Variants in ASTN2 observed in about 807,000 individuals in gnomAD.
The protein encoded by ASTN2 is astrotactin 2, also known as astrotactin-2.
ASTN2 carries 54 observed loss-of-function variants against 139.8 expected under a neutral mutation model. That is an observed-to-expected ratio of 0.39 (90% CI 0.31 to 0.48). The LOEUF is 0.48. Ranked by LOEUF, ASTN2 falls within the 20% of genes least tolerant of loss-of-function variation. ASTN2 has a pLI of 0.95. For synonymous variants in ASTN2, 756 were observed against 719.5 expected (o/e 1.05, Z -0.81); for missense variants, 1,565 against 1,725.1 (o/e 0.91, Z 1.64).
chr9:117,223,967 C>T (rs772317006), intron 2 of ASTN2, among the ~76,000 whole-genome samples: 2 of 152,112 alleles, frequency 1.3e-5, no homozygotes, highest in Non-Finnish European at 2.9e-5. Context: ...AGTAAAAACA[C>T]ATTGGTTCTT....
chr9:116,799,739 A>T (rs1355809390), intron 13 of ASTN2, among the ~76,000 whole-genome samples: 2 of 151,978 alleles, frequency 1.3e-5, no homozygotes, highest in Admixed American at 1.3e-4. Flanking sequence ...AAACAAATAA[A>T]CATCAAATAC....
intron 1 of ASTN2, among the ~76,000 whole-genome samples, chr9:117,397,590 T>A (rs1006881733): frequency 6.6e-6 from 1 of 152,222 alleles, no homozygotes; most frequent in African/African-American, 2.4e-5. Flanking sequence ...TGATCCAGCC[T>A]CCAAGAGGCA....
intron 11 of ASTN2, among the ~76,000 whole-genome samples, chr9:116,838,057 T>G (rs1268332622): frequency 6.6e-6 from 1 of 151,758 alleles, no homozygotes; most frequent in Non-Finnish European, 1.5e-5. Flanking sequence ...TAAATGCATG[T>G]GAATGGCTCT....
At chr9:116,885,660 C>T (rs375678108) in intron 10 of ASTN2, among the ~76,000 whole-genome samples, 7 of 152,030 alleles carry the variant, frequency 4.6e-5, no homozygotes, top group African/African-American at 1.7e-4. Flanking sequence ...AGCAAAACTC[C>T]ATCTCAAACA....
intron 6 of ASTN2, among the ~76,000 whole-genome samples, chr9:117,031,922 C>T (rs539361026): frequency 3.9e-5 from 6 of 152,218 alleles, no homozygotes; most frequent in East Asian, 1.9e-4. Context: ...AAGTATGACA[C>T]GTATGTAATA....
intron 17 of ASTN2, among the ~76,000 whole-genome samples, chr9:116,646,584 C>T (rs1857599723): frequency 6.6e-6 from 1 of 152,102 alleles, no homozygotes; most frequent in South Asian, 2.1e-4. Flanking sequence ...TGGGTCTATC[C>T]CACTCATTCC....
chr9:116,521,855 A>C (rs1299531398), intron 19 of ASTN2, among the ~76,000 whole-genome samples: 1 of 152,160 alleles, frequency 6.6e-6, no homozygotes, highest in Non-Finnish European at 1.5e-5. Flanking sequence ...CAGGTTAAGG[A>C]CATGAGTAGA....
intron 19 of ASTN2, among the ~76,000 whole-genome samples, chr9:116,600,115 G>A (rs909766267): frequency 2.6e-5 from 4 of 151,980 alleles, no homozygotes; most frequent in African/African-American, 9.7e-5. Context: ...TTGAGTCCAG[G>A]AGTTTGGGAC....
intron 19 of ASTN2, among the ~76,000 whole-genome samples, chr9:116,518,389 T>C (rs1239815811): frequency 1.3e-5 from 2 of 152,170 alleles, no homozygotes; most frequent in African/African-American, 2.4e-5. Flanking sequence ...CAGCCAGGAA[T>C]TGTGTATCCA....
intron 19 of ASTN2, among the ~76,000 whole-genome samples, chr9:116,498,377 G>C (rs1849737413): frequency 6.6e-6 from 1 of 152,024 alleles, no homozygotes; most frequent in Non-Finnish European, 1.5e-5. Flanking sequence ...TTGAGGCCAG[G>C]AGGTCAAGAT....
At chr9:117,336,325 T>A (rs1430780201) in intron 1 of ASTN2, among the ~76,000 whole-genome samples, 1 of 152,144 alleles carries the variant, frequency 6.6e-6, no homozygotes, top group Non-Finnish European at 1.5e-5. Context: ...TGGGATTAAT[T>A]TGCTCTTTGT....
At chr9:117,053,954 A>G (rs566243729) in intron 5 of ASTN2, among the ~76,000 whole-genome samples, 3 of 152,134 alleles carry the variant, frequency 2.0e-5, no homozygotes, top group South Asian at 4.1e-4. Flanking sequence ...AAAACCATGT[A>G]TGCATTGTGT....
chr9:117,397,772 G>C (rs1830714820), intron 1 of ASTN2, among the ~76,000 whole-genome samples: 1 of 152,118 alleles, frequency 6.6e-6, no homozygotes, highest in African/African-American at 2.4e-5. Flanking sequence ...AGGATTTCTA[G>C]GGCAAGGAAT....
chr9:116,783,085 G>A (rs1278222289), intron 13 of ASTN2, among the ~76,000 whole-genome samples: 1 of 152,216 alleles, frequency 6.6e-6, no homozygotes, highest in South Asian at 2.1e-4. Context: ...GTAAAACTAG[G>A]ATATATGAGC....
At chr9:116,762,479 T>C (rs1829698669) in intron 13 of ASTN2, among the ~76,000 whole-genome samples, 1 of 152,218 alleles carries the variant, frequency 6.6e-6, no homozygotes, top group Non-Finnish European at 1.5e-5. Flanking sequence ...ATTGAGTACC[T>C]GTCATGATCC....
chr9:117,002,142 G>A (rs921442710), intron 7 of ASTN2, among the ~76,000 whole-genome samples: 10 of 152,266 alleles, frequency 6.6e-5, no homozygotes, highest in East Asian at 1.9e-4. Context: ...TGGGCATTGC[G>A]GTGGAAAGAA....
chr9:116,739,502 C>T (rs1829040872), intron 13 of ASTN2, among the ~76,000 whole-genome samples: 1 of 121,370 alleles, frequency 8.2e-6, no homozygotes, highest in African/African-American at 2.7e-5. Flanking sequence ...GGAATTTGCC[C>T]TCCCTCTGCA....
chr9:116,483,403 T>A (rs1304374975), intron 20 of ASTN2, among the ~76,000 whole-genome samples: 1 of 152,110 alleles, frequency 6.6e-6, no homozygotes, highest in African/African-American at 2.4e-5. Flanking sequence ...TTTACATGGA[T>A]GGAGGGGCTA....
At chr9:116,447,070 C>A (rs979628497) in intron 20 of ASTN2, among the ~76,000 whole-genome samples, 14 of 152,176 alleles carry the variant, frequency 9.2e-5, no homozygotes, top group African/African-American at 3.4e-4. Flanking sequence ...TTCCTCCCCA[C>A]TCTGCTTCAC....
Sources: gnomAD v4.1 joint callset for allele counts (sites outside exome capture counted in the v4.1 genomes callset) on GRCh38, gnomAD v4.1.1 for gene constraint, MANE v1.5 for transcripts, NCBI Gene and HGNC (gene_info 2026-07-23, HGNC 2026-07-21) for gene names.